The following HS3ST4 variants were observed in gnomAD, a reference collection of about 807,000 sequenced individuals.
HS3ST4 encodes heparan sulfate glucosamine 3-O-sulfotransferase 4.
HS3ST4 carries 17 observed loss-of-function variants against 29.2 expected under a neutral mutation model. The observed-to-expected ratio is 0.58, with a 90% CI of 0.40 to 0.87. The LOEUF is 0.87. Ranked by LOEUF, HS3ST4 falls within the 40% of genes least tolerant of loss-of-function variation. The pLI is 0.00. For synonymous variants in HS3ST4, 314 were observed against 285.7 expected (o/e 1.10, Z -1.00); for missense variants, 627 against 634.5 (o/e 0.99, Z 0.13).
At chr16:25,846,683 AC>A (rs1967469857) in intron 1 of HS3ST4, among the ~76,000 whole-genome samples, 1 of 152,128 alleles carries the variant, frequency 6.6e-6, no homozygotes, top group Admixed American at 6.6e-5. Flanking sequence ...TCTTTCTATA[AC>A]AGAAAATTAA....
intron 1 of HS3ST4, among the ~76,000 whole-genome samples, chr16:26,018,729 A>G (rs1969383628): frequency 6.6e-6 from 1 of 152,134 alleles, no homozygotes; most frequent in Non-Finnish European, 1.5e-5. Flanking sequence ...GGGTCCTCAC[A>G]ACATCGTGTT....
At chr16:25,733,466 A>G (rs979360884) in intron 1 of HS3ST4, among the ~76,000 whole-genome samples, 4 of 152,150 alleles carry the variant, frequency 2.6e-5, no homozygotes, top group Non-Finnish European at 5.9e-5. Context: ...ATCATGTTTT[A>G]CAAGGTAGTG....
At chr16:25,730,710 G>A (rs987091976) in intron 1 of HS3ST4, among the ~76,000 whole-genome samples, 28 of 112,510 alleles carry the variant, frequency 2.5e-4, no homozygotes, top group African/African-American at 8.1e-4. Flanking sequence ...CCTTCCTTCC[G>A]TCCTTCCTTC....
At chr16:26,060,281 C>T (rs930110779) in intron 1 of HS3ST4, among the ~76,000 whole-genome samples, 1 of 152,126 alleles carries the variant, frequency 6.6e-6, no homozygotes, top group African/African-American at 2.4e-5. Flanking sequence ...CCTATGTTGT[C>T]CTTTTATTGG....
intron 1 of HS3ST4, among the ~76,000 whole-genome samples, chr16:25,846,170 C>G (rs1297334604): frequency 6.6e-6 from 1 of 152,136 alleles, no homozygotes; most frequent in African/African-American, 2.4e-5. Flanking sequence ...GGCATCTGTC[C>G]TTTTTATCAG....
chr16:26,033,709 G>A (rs1415882687), intron 1 of HS3ST4, among the ~76,000 whole-genome samples: 3 of 151,984 alleles, frequency 2.0e-5, no homozygotes, highest in African/African-American at 4.8e-5. Context: ...GCAACAGAGC[G>A]AGACCTTGAG....
chr16:26,042,299 A>G (rs570037746), intron 1 of HS3ST4, among the ~76,000 whole-genome samples: 1 of 152,312 alleles, frequency 6.6e-6, no homozygotes, highest in Non-Finnish European at 1.5e-5. Context: ...GAATATTGAA[A>G]AAGAAAGTGG....
At chr16:25,758,746 G>A (rs1812486345) in intron 1 of HS3ST4, among the ~76,000 whole-genome samples, 2 of 152,058 alleles carry the variant, frequency 1.3e-5, no homozygotes. Context: ...ACCTGAGGTT[G>A]GGAGTTTGAA....
chr16:25,693,249 C>A, intron 1 of HS3ST4, 98 bp downstream of exon 1: 1 of 1,314,684 alleles, frequency 7.6e-7, no homozygotes, highest in Non-Finnish European at 1.0e-6. Context: ...AGGCACCGTC[C>A]CGAGAGGCCC....
chr16:25,985,098 T>C (rs967657515), intron 1 of HS3ST4, among the ~76,000 whole-genome samples: 3 of 152,226 alleles, frequency 2.0e-5, no homozygotes, highest in Non-Finnish European at 4.4e-5. Flanking sequence ...AATTACTAAT[T>C]TTACAACATT....
intron 1 of HS3ST4, among the ~76,000 whole-genome samples, chr16:25,926,261 G>T (rs777588316): frequency 3.3e-5 from 5 of 152,006 alleles, no homozygotes; most frequent in African/African-American, 4.8e-5. Flanking sequence ...TAATCTCTCT[G>T]TCTCTGTAGA....
intron 1 of HS3ST4, among the ~76,000 whole-genome samples, chr16:25,870,200 CCAA>C: frequency 6.6e-6 from 1 of 152,072 alleles, no homozygotes; most frequent in African/African-American, 2.4e-5. Flanking sequence ...ATCCATCCAT[CCAA>C]CCATCCATCC....
At position 25,692,263 on chromosome 16, in the gene HS3ST4, G is replaced by A. The variant is rs1434950891; in HGVS notation, c.-155G>A. ...CGCAGCGGGACAGCGGCCAGGGCCG[G>A]GGGCGCAGCGGCGTCGCTTCATGCA... On this transcript the variant is annotated 5_prime_UTR_variant, in exon 1 of 2. Coordinates refer to ENST00000331351, the MANE Select transcript of HS3ST4 (RefSeq NM_006040.3). The A allele has an allele frequency of 1.3e-5, 2 of 151,304 alleles. No individual in the cohort carries two copies. Among genetic ancestry groups the A allele is most frequent in the Non-Finnish European group, 2.8e-5 (2 of 70,286 alleles). 9.4% of individuals were successfully genotyped at this position (151,304 alleles called of 1,614,324 possible). A position where few individuals can be genotyped will look rare whatever the true frequency, so the allele number is the denominator to read the frequency against.
At chr16:26,037,031 C>G (rs541532766) in intron 1 of HS3ST4, among the ~76,000 whole-genome samples, 1 of 152,158 alleles carries the variant, frequency 6.6e-6, no homozygotes. Context: ...TAATAAGAAC[C>G]CTCCCATTGT....
chr16:26,061,810 C>T lies in HS3ST4; in HGVS notation c.735-73802C>T, dbSNP rs116777538. The stretch of plus-strand genomic sequence containing the variant: ...TTCATTCTCCAACCAAATATAATCT[C>T]GTGGTGGCAAGATGGAACCAGCAAC... On this transcript the variant is annotated intron_variant, in intron 1 of 1. Transcript: ENST00000331351. Among the ~76,000 whole-genome samples, 1,068 of 152,306 alleles carry T rather than the reference C, an allele frequency of 7.0e-3. 17 individuals carry two copies. Among genetic ancestry groups the T allele is most frequent in the African/African-American group, 0.025 (1,032 of 41,566 alleles).
At chr16:25,821,772 A>C (rs1967159076) in intron 1 of HS3ST4, among the ~76,000 whole-genome samples, 1 of 152,154 alleles carries the variant, frequency 6.6e-6, no homozygotes, top group African/African-American at 2.4e-5. Flanking sequence ...ACTAAAATAC[A>C]AAAAATTAGC....
intron 1 of HS3ST4, among the ~76,000 whole-genome samples, chr16:25,717,329 G>A (rs555232419): frequency 2.6e-5 from 4 of 152,146 alleles, no homozygotes; most frequent in South Asian, 2.1e-4. Context: ...AGTAAATAAG[G>A]TTAAAATTAC....
At position 26,136,384 on chromosome 16, in the gene HS3ST4, C is replaced by T. The variant is rs1483307655; in HGVS notation, c.*136C>T. The stretch of plus-strand genomic sequence containing the variant: ...CTCCTCCTTCATGCAGCCAGGATTG[C>T]CTCCAGTGCTGTTAGCTTAGGCAAA... On this transcript the variant is annotated 3_prime_UTR_variant, in exon 2 of 2. Coordinates refer to ENST00000331351, the MANE Select transcript of HS3ST4 (RefSeq NM_006040.3). 1.2e-6 allele frequency: 1 copy of T among 842,494 alleles called. No individual in the cohort carries two copies. The highest frequency in any genetic ancestry group is 1.7e-5 in the African/African-American group (1 of 58,074). 52.2% of individuals were successfully genotyped at this position (842,494 alleles called of 1,614,324 possible).
chr16:25,878,364 A>G (rs116561587), intron 1 of HS3ST4, among the ~76,000 whole-genome samples: 85,366 of 151,518 alleles, frequency 0.56, 24,765 homozygotes, highest in Non-Finnish European at 0.63. Context: ...CCAGGGGTGT[A>G]ATTCTAAATT....
Sources: allele counts gnomAD v4.1 joint callset (sites outside exome capture counted in the v4.1 genomes callset), GRCh38; gene constraint gnomAD v4.1.1; transcripts MANE v1.5; gene names NCBI Gene and HGNC (gene_info 2026-07-23, HGNC 2026-07-21).